The following XG variants were observed in gnomAD, a reference collection of about 807,000 sequenced individuals.
The protein encoded by XG is glycoprotein Xg.
In XG, 24 loss-of-function variants were observed where a neutral mutation model predicts 25.7. That is an observed-to-expected ratio of 0.93 (90% CI 0.68 to 1.31). The LOEUF is 1.31. Ranked by LOEUF, XG falls within the 40% of genes most tolerant of loss-of-function variation. The probability of loss-of-function intolerance (pLI) is 0.00; values close to 1 mark genes in which losing one functional copy is unlikely to be tolerated. For synonymous variants in XG, 77 were observed against 69.2 expected (o/e 1.11, Z -0.56); for missense variants, 181 against 187.6 (o/e 0.96, Z 0.21).
intron 1 of XG, among the ~76,000 whole-genome samples, chrX:2,769,222 G>A (rs1339988893): frequency 6.6e-6 from 1 of 152,186 alleles, no homozygotes; most frequent in Non-Finnish European, 1.5e-5. Flanking sequence ...CAGAGCAAGC[G>A]TCACCGAGGC....
chrX:2,754,629 C>T (rs1287124556), intron 1 of XG, among the ~76,000 whole-genome samples: 4 of 152,074 alleles, frequency 2.6e-5, no homozygotes, highest in African/African-American at 7.2e-5. Flanking sequence ...CACAACAGGC[C>T]GTCTGCAGGC....
At chrX:2,793,158 C>T (rs2086852793) in intron 5 of XG, among the ~76,000 whole-genome samples, 1 of 111,571 alleles carries the variant, frequency 9.0e-6, no homozygotes, top group African/African-American at 3.3e-5. Flanking sequence ...CCCGCCTCCA[C>T]CTCCCAAAGT....
intron 1 of XG, among the ~76,000 whole-genome samples, chrX:2,769,394 C>T (rs1603305531): frequency 6.6e-6 from 1 of 152,198 alleles, no homozygotes; most frequent in Admixed American, 6.5e-5. Flanking sequence ...TCCTGCCTTG[C>T]CCTGAACTTC....
intron 5 of XG, among the ~76,000 whole-genome samples, 190 bp from the exon 6 acceptor site, chrX:2,794,345 C>T (rs1433703085): frequency 7.1e-5 from 8 of 112,460 alleles, no homozygotes; most frequent in Non-Finnish European, 1.1e-4. Flanking sequence ...CCTGCACACG[C>T]CTCCTTGCAG....
intron 4 of XG, among the ~76,000 whole-genome samples, chrX:2,788,974 T>C (rs2086810825): frequency 8.9e-6 from 1 of 111,815 alleles, no homozygotes; most frequent in Non-Finnish European, 1.9e-5. Context: ...ATGCCTATGA[T>C]GATTCCAGCT....
intron 4 of XG, among the ~76,000 whole-genome samples, chrX:2,789,172 G>A (rs1278945228): frequency 9.1e-6 from 1 of 110,215 alleles, no homozygotes; most frequent in Non-Finnish European, 1.9e-5. Flanking sequence ...TCGAGGCTGC[G>A]GGGAGCTATG....
In XG at chrX:2,752,153, C is replaced by T; in HGVS notation, c.-122C>T. ...TCCGCTCATATTTTCCACTTGAAGACATCGCCTCCCTTCCTTCCAAGCTGG... is the reference window on the plus strand; with the variant it reads ...TCCGCTCATATTTTCCACTTGAAGATATCGCCTCCCTTCCTTCCAAGCTGG... On this transcript the variant is annotated 5_prime_UTR_variant, in exon 1 of 11. Transcript: ENST00000644266. The T allele has an allele frequency of 6.6e-7, 1 of 1,516,036 alleles. No homozygotes were observed. The highest frequency in any genetic ancestry group is 1.3e-5 in the South Asian group (1 of 79,350). The allele number at this position is 1,516,036 out of a possible 1,614,324, so 93.9% of individuals were successfully genotyped here. A position where few individuals can be genotyped will look rare whatever the true frequency, so the allele number is the denominator to read the frequency against.
intron 7 of XG, among the ~76,000 whole-genome samples, chrX:2,799,049 G>A (rs113473305): frequency 2.9e-4 from 32 of 110,559 alleles, no homozygotes; most frequent in African/African-American, 9.5e-4. Context: ...TCAGAACCAA[G>A]ACTCAACCAC....
At chrX:2,786,925 A>G (rs903391850) in intron 4 of XG, among the ~76,000 whole-genome samples, 2 of 110,703 alleles carry the variant, frequency 1.8e-5, no homozygotes, top group African/African-American at 6.6e-5. Flanking sequence ...CCCAGCCTCC[A>G]GGACTGTGGG....
intron 6 of XG, among the ~76,000 whole-genome samples, chrX:2,795,802 C>T (rs1274141256): frequency 6.4e-5 from 7 of 110,200 alleles, no homozygotes; most frequent in Non-Finnish European, 1.1e-4. Context: ...GGATTACAGG[C>T]GCCTGCCAGC....
At chrX:2,766,197 G>A (rs1167956704) in intron 1 of XG, among the ~76,000 whole-genome samples, 2 of 152,080 alleles carry the variant, frequency 1.3e-5, no homozygotes, top group Admixed American at 1.3e-4. Flanking sequence ...CTGGAGTGCA[G>A]TGGCACAGTC....
chrX:2,754,671 A>G (rs1379208856), intron 1 of XG, among the ~76,000 whole-genome samples: 3 of 152,198 alleles, frequency 2.0e-5, no homozygotes, highest in Non-Finnish European at 4.4e-5. Context: ...CCAGGTTCCA[A>G]AACTGAAGAA....
intron 9 of XG, among the ~76,000 whole-genome samples, chrX:2,810,851 G>C (rs1321640589): frequency 9.0e-6 from 1 of 111,243 alleles, no homozygotes; most frequent in Non-Finnish European, 1.9e-5. Flanking sequence ...GGGAGAAGGA[G>C]GTTGCAGTGA....
chrX:2,797,861 GTC>G (rs1030793418), intron 7 of XG, among the ~76,000 whole-genome samples: 1 of 110,670 alleles, frequency 9.0e-6, no homozygotes, highest in Non-Finnish European at 1.9e-5. Flanking sequence ...GAAAAACCCT[GTC>G]TCTACAAAAA....
At chrX:2,769,044 G>T (rs925498046) in intron 1 of XG, among the ~76,000 whole-genome samples, 34 of 152,186 alleles carry the variant, frequency 2.2e-4, no homozygotes, top group African/African-American at 7.7e-4. Context: ...TCCCTCCAAG[G>T]TTTGTGACTT....
chrX:2,790,266 C>T (rs2086824109), intron 5 of XG, among the ~76,000 whole-genome samples: 1 of 110,534 alleles, frequency 9.0e-6, no homozygotes. Flanking sequence ...TTTGGGAAGC[C>T]GAGGTGGGCG....
chrX:2,776,584 G>C (rs1182586432), intron 3 of XG, among the ~76,000 whole-genome samples: 1 of 152,052 alleles, frequency 6.6e-6, no homozygotes, highest in Non-Finnish European at 1.5e-5. Context: ...AGTCCATTCA[G>C]GTGGAAAGAA....
chrX:2,807,643 A>G (rs1390123897), intron 8 of XG, among the ~76,000 whole-genome samples: 2 of 111,981 alleles, frequency 1.8e-5, no homozygotes, highest in Non-Finnish European at 3.8e-5. Flanking sequence ...TGGGATGTGC[A>G]TGTGTGTGGA....
chrX:2,752,240 G>T lies in XG; in HGVS notation c.-35G>T. 1 of 1,613,490 alleles carries T rather than the reference G, an allele frequency of 6.2e-7. No individual in the cohort carries two copies. The highest frequency in any genetic ancestry group is 1.1e-5 in the South Asian group (1 of 90,998). ...GGGTCTCACAATCCGCTTGGCTGGGGAGTCCACTGAGGTTCTTGCATCCTG... is the reference window on the plus strand; with the variant it reads ...GGGTCTCACAATCCGCTTGGCTGGGTAGTCCACTGAGGTTCTTGCATCCTG... On this transcript the variant is annotated 5_prime_UTR_variant, in exon 1 of 11. Coordinates refer to ENST00000644266, the MANE Select transcript of XG (RefSeq NM_001141919.2).
Sources: gnomAD v4.1 joint callset for allele counts (sites outside exome capture counted in the v4.1 genomes callset) on GRCh38, gnomAD v4.1.1 for gene constraint, MANE v1.5 for transcripts, NCBI Gene and HGNC (gene_info 2026-07-23, HGNC 2026-07-21) for gene names.